Variants in ADAM22 observed in about 807,000 individuals in gnomAD.
The protein encoded by ADAM22 is ADAM metallopeptidase domain 22.
Under a neutral mutation model 144.6 loss-of-function variants are expected in ADAM22, and 65 were observed. The observed-to-expected ratio is 0.45, with a 90% CI of 0.37 to 0.55. ADAM22 has a LOEUF of 0.55. Ranked by LOEUF, ADAM22 falls within the 20% of genes least tolerant of loss-of-function variation. The probability of loss-of-function intolerance (pLI) is 0.00; values close to 1 mark genes in which losing one functional copy is unlikely to be tolerated. For synonymous variants in ADAM22, 391 were observed against 412.6 expected (o/e 0.95, Z 0.63); for missense variants, 974 against 1,184.9 (o/e 0.82, Z 2.61).
intron 2 of ADAM22, among the ~76,000 whole-genome samples, chr7:87,974,883 C>T (rs1584750322): frequency 6.6e-6 from 1 of 152,144 alleles, no homozygotes; most frequent in East Asian, 1.9e-4. Flanking sequence ...CTGCCCTCTT[C>T]CTCTTAGCAC....
chr7:88,009,599 TA>T (rs879540009), intron 3 of ADAM22, among the ~76,000 whole-genome samples: 15 of 115,962 alleles, frequency 1.3e-4, no homozygotes, highest in Admixed American at 1.9e-4. Context: ...GCTATTCTAA[TA>T]AAAAAAAGTG....
chr7:88,129,355 C>G (rs1353104425), intron 9 of ADAM22, among the ~76,000 whole-genome samples: 1 of 152,006 alleles, frequency 6.6e-6, no homozygotes, highest in Non-Finnish European at 1.5e-5. Flanking sequence ...CTGAATTTTA[C>G]TTAAGTTCAG....
At chr7:88,074,542 A>T (rs889273083) in intron 3 of ADAM22, among the ~76,000 whole-genome samples, 3 of 152,182 alleles carry the variant, frequency 2.0e-5, no homozygotes, top group Non-Finnish European at 4.4e-5. Context: ...AAATGTCCTG[A>T]TTGTTTAATA....
At chr7:88,136,611 C>T (rs574246555) in intron 14 of ADAM22, among the ~76,000 whole-genome samples, 48 of 151,944 alleles carry the variant, frequency 3.2e-4, no homozygotes, top group Non-Finnish European at 6.0e-4. Flanking sequence ...ATAAATTTTA[C>T]AGTTATTCCT....
intron 20 of ADAM22, among the ~76,000 whole-genome samples, chr7:88,151,538 G>A (rs568187705): frequency 4.6e-5 from 7 of 152,286 alleles, no homozygotes; most frequent in South Asian, 2.1e-4. Context: ...GCCTGTGGAC[G>A]AGACAGAAAG....
rs59698275 is a variant in ADAM22, at chr7:87,938,207, A to ATTTTT, written c.246+3044_246+3048dup. Among the ~76,000 whole-genome samples the ATTTTT allele has an allele frequency of 4.2e-4, 32 of 75,578 alleles. 1 individual carries two copies. Among genetic ancestry groups the ATTTTT allele is most frequent in the African/African-American group, 7.5e-4 (13 of 17,316 alleles). 49.6% of individuals were successfully genotyped at this position (75,578 alleles called of 152,430 possible). ...GCATTTTAATTTTAGATACCCATAG[A>ATTTTT]TTTTTTTTTTTTTTTTTTTTTTTTT... On this transcript the variant is annotated intron_variant, in intron 2 of 31. Transcript: ENST00000413139.
chr7:88,022,913 A>G (rs950650183), intron 3 of ADAM22, among the ~76,000 whole-genome samples: 8 of 152,336 alleles, frequency 5.3e-5, no homozygotes, highest in Admixed American at 2.0e-4. Flanking sequence ...AGGCACACAC[A>G]AACTATTGAA....
chr7:88,039,610 C>CGT (rs1802587981), intron 3 of ADAM22, among the ~76,000 whole-genome samples: 2 of 114,868 alleles, frequency 1.7e-5, no homozygotes, highest in Admixed American at 9.7e-5. Flanking sequence ...TTCATGTTTG[C>CGT]ATGTGTGTGT....
At chr7:88,006,985 T>C (rs959995205) in intron 3 of ADAM22, among the ~76,000 whole-genome samples, 11 of 152,072 alleles carry the variant, frequency 7.2e-5, no homozygotes, top group Admixed American at 2.0e-4. Flanking sequence ...GATGACATGA[T>C]TGTATATCTA....
chr7:88,166,013 TTTTA>T (rs1250219767), intron 24 of ADAM22, 67 bp downstream of exon 24: 19 of 1,144,174 alleles, frequency 1.7e-5, no homozygotes, highest in Non-Finnish European at 2.3e-5. Flanking sequence ...CTCTGAAAAC[TTTTA>T]TTTGAGTTAT....
At chr7:87,959,153 A>G (rs1362625492) in intron 2 of ADAM22, among the ~76,000 whole-genome samples, 4 of 152,080 alleles carry the variant, frequency 2.6e-5, no homozygotes, top group Non-Finnish European at 4.4e-5. Context: ...ATGTTAAAGG[A>G]CCTAGAATTA....
rs1441857737 is a variant in ADAM22, at chr7:88,067,255, T to A, written c.324-8371T>A. On this transcript the variant is annotated intron_variant, in intron 3 of 31. Coordinates refer to ENST00000413139, the MANE Select transcript of ADAM22 (RefSeq NM_001324418.2). ...CTGGTACCTTGGCTTTTTTTTTTTT[T>A]TAAATTATACTTTAAGTTTTAGGGT... 8.6e-5 allele frequency among the ~76,000 whole-genome samples: 13 copies of A among 151,960 alleles called. No homozygotes were observed. The South Asian group carries it at 1.7e-3, about 19-fold the overall frequency.
At chr7:88,087,895 C>G (rs1240138118) in intron 4 of ADAM22, among the ~76,000 whole-genome samples, 1 of 152,118 alleles carries the variant, frequency 6.6e-6, no homozygotes, top group East Asian at 1.9e-4. Context: ...GTTTACGACT[C>G]ATCATTTGAT....
intron 2 of ADAM22, among the ~76,000 whole-genome samples, chr7:87,967,147 C>G (rs1324695386): frequency 6.6e-6 from 1 of 152,102 alleles, no homozygotes; most frequent in Non-Finnish European, 1.5e-5. Context: ...GCCTCCCCAC[C>G]CCTGTGAACT....
rs529386106 is a variant in ADAM22, at chr7:88,128,624, TAGA to T, written c.709_711del (p.Glu237del). ...CAGCTTCGTCGATATCCTCGTAATG[TAGA>T]AGAAGAAACCAAATACATTGAACTG... On this transcript the variant is annotated inframe_deletion, in exon 9 of 32. Coordinates refer to ENST00000413139, the MANE Select transcript of ADAM22 (RefSeq NM_001324418.2). 26 of 1,611,904 alleles carry T rather than the reference TAGA, an allele frequency of 1.6e-5. No individual in the cohort carries two copies. In the East Asian group the frequency reaches 4.0e-4, roughly 25 times the overall value.
intron 2 of ADAM22, among the ~76,000 whole-genome samples, chr7:87,960,137 A>G (rs1261203308): frequency 1.3e-5 from 2 of 152,220 alleles, no homozygotes; most frequent in Non-Finnish European, 1.5e-5. Flanking sequence ...TAAATATTTT[A>G]ATACTTATCA....
intron 2 of ADAM22, among the ~76,000 whole-genome samples, chr7:87,968,730 A>G (rs545925317): frequency 1.3e-5 from 2 of 152,202 alleles, no homozygotes; most frequent in East Asian, 1.9e-4. Context: ...TCTAAGGGGG[A>G]AAAAGAAAAG....
rs533040988 is a variant in ADAM22 at position 88,060,011 on chromosome 7, A to C, written c.324-15615A>C. Among the ~76,000 whole-genome samples, 94 of 152,230 alleles carry C rather than the reference A, an allele frequency of 6.2e-4. 1 individual carries two copies. The highest frequency in any genetic ancestry group is 2.0e-3 in the African/African-American group (84 of 41,542). On this transcript the variant is annotated intron_variant, in intron 3 of 31. Transcript: ENST00000413139. Reference sequence around the variant, plus strand: ...ATGCACCCCATGAATCTAAAAAAAAACCCCAATACTGTGTTTACACTATAT... The same window carrying C: ...ATGCACCCCATGAATCTAAAAAAAACCCCCAATACTGTGTTTACACTATAT...
At chr7:87,975,733 A>T (rs555452575) in intron 2 of ADAM22, among the ~76,000 whole-genome samples, 2 of 152,362 alleles carry the variant, frequency 1.3e-5, no homozygotes, top group East Asian at 3.9e-4. Context: ...TAATCATGAT[A>T]CCAAGGTGAA....
Sources: allele counts gnomAD v4.1 joint callset (sites outside exome capture counted in the v4.1 genomes callset), GRCh38; gene constraint gnomAD v4.1.1; transcripts MANE v1.5; gene names NCBI Gene and HGNC (gene_info 2026-07-23, HGNC 2026-07-21).